The following THAP6 variants were observed in gnomAD, a reference collection of about 807,000 sequenced individuals.
THAP6 encodes THAP domain-containing protein 6.
THAP6 carries 13 observed loss-of-function variants against 20.0 expected under a neutral mutation model. The ratio of observed to expected loss-of-function variants is 0.65; its 90% CI spans 0.42 to 1.03. The LOEUF (loss-of-function observed/expected upper bound fraction) is 1.03, where lower values mean the gene tolerates loss of function less well. THAP6 is among the 50% of genes least tolerant of loss of function. The pLI, the probability that THAP6 is intolerant of heterozygous loss-of-function variation, is 0.00. For synonymous variants in THAP6, 93 were observed against 92.2 expected, an observed-to-expected ratio of 1.01 and a Z score of -0.05; for missense variants, 262 against 261.6, an observed-to-expected ratio of 1.00 and a Z score of -0.01.
chr4:75,514,603 A>C, intron 1 of THAP6, 83 bp downstream of exon 1: 1 of 261,428 alleles, frequency 3.8e-6, no homozygotes, highest in Non-Finnish European at 7.4e-6. Context: ...GGTTGGCGGC[A>C]GCGGCGCGGA....
At chr4:75,515,553 A>T (rs1157768084) in intron 2 of THAP6, 21 bp downstream of exon 2, 1 of 1,609,352 alleles carries the variant, frequency 6.2e-7, no homozygotes, top group Admixed American at 1.7e-5. Flanking sequence ...GCTGTAGTTA[A>T]GCCAAATACT....
At chr4:75,537,932 T>C (rs148218012) in intron 2 of THAP6, among the ~76,000 whole-genome samples, 1 of 152,342 alleles carries the variant, frequency 6.6e-6, no homozygotes, top group African/African-American at 2.4e-5. Flanking sequence ...ATTTTAGATT[T>C]TGGACCTCCA....
chr4:75,544,141 T>C (rs1578285412), intron 3 of THAP6, among the ~76,000 whole-genome samples: 1 of 152,190 alleles, frequency 6.6e-6, no homozygotes, highest in African/African-American at 2.4e-5. Flanking sequence ...TAATATACTC[T>C]AATGCATCCA....
In THAP6 at chr4:75,521,736, G is replaced by A. The variant is rs758253328; in HGVS notation, c.289G>A (p.Gly97Arg). The stretch of plus-strand genomic sequence containing the variant: ...GATTATTATTAACTACTCTTAACAG[G>A]GGAAAAGAGAAAAACTTCATTGTAG... ...SIFDSPYHLQGKREKLHCRKN... is the reference protein window; with the variant it reads ...SIFDSPYHLQRKREKLHCRKN... The change falls in exon 4 of 5, where the codon GGG becomes AGG. Residue 97 changes from glycine to arginine, a missense_variant and splice_region_variant. Gly to Arg is a moderately radical substitution (Grantham distance 125). Coordinates refer to ENST00000311638, the MANE Select transcript of THAP6 (RefSeq NM_144721.6). 3.1e-6 allele frequency: 5 copies of A among 1,609,108 alleles called. No individual in the cohort carries two copies. The South Asian group carries it at 4.4e-5, about 14-fold the overall frequency.
intron 2 of THAP6, among the ~76,000 whole-genome samples, chr4:75,537,816 T>C (rs1279168230): frequency 6.6e-6 from 1 of 152,114 alleles, no homozygotes; most frequent in Non-Finnish European, 1.5e-5. Flanking sequence ...GTTGTGGTAA[T>C]GAATAGCCAT....
chr4:75,543,510 T>C (rs951398283), intron 3 of THAP6, among the ~76,000 whole-genome samples: 1 of 152,202 alleles, frequency 6.6e-6, no homozygotes, highest in Non-Finnish European at 1.5e-5. Context: ...TTCCAGTCAT[T>C]CATATGACAG....
intron 3 of THAP6, among the ~76,000 whole-genome samples, chr4:75,520,521 A>G (rs1725956870): frequency 6.6e-6 from 1 of 152,232 alleles, no homozygotes; most frequent in African/African-American, 2.4e-5. Context: ...CTGACCATAT[A>G]GTAGTTGATC....
chr4:75,527,429 G>C lies in THAP6; in HGVS notation c.*215G>C, dbSNP rs1431693648. The C allele has an allele frequency of 1.5e-6, 2 of 1,358,628 alleles. No individual in the cohort carries two copies. Among genetic ancestry groups the C allele is most frequent in the East Asian group, 5.6e-5 (2 of 35,860 alleles). The allele number at this position is 1,358,628 out of a possible 1,614,324, so 84.2% of individuals were successfully genotyped here. A position where few individuals can be genotyped will look rare whatever the true frequency, so the allele number is the denominator to read the frequency against. Reference sequence around the variant, plus strand: ...TGTCTTGTGACAATTATGTTTTATAGACCTACACTAGTGCCAGGTCACTAT... The same window carrying C: ...TGTCTTGTGACAATTATGTTTTATACACCTACACTAGTGCCAGGTCACTAT... On this transcript the variant is annotated 3_prime_UTR_variant, in exon 5 of 5. Coordinates refer to ENST00000311638, the MANE Select transcript of THAP6 (RefSeq NM_144721.6).
At chr4:75,513,988 T>C (rs1196511551), upstream of THAP6, 2 of 637,140 alleles carry the variant, frequency 3.1e-6, no homozygotes, top group Non-Finnish European at 5.0e-6. Context: ...AAGAAGGGTT[T>C]TGCTTTAAAG....
intron 4 of THAP6, among the ~76,000 whole-genome samples, chr4:75,525,367 T>A (rs1726298833): frequency 6.6e-6 from 1 of 152,208 alleles, no homozygotes; most frequent in African/African-American, 2.4e-5. Context: ...TTCCTGTTGC[T>A]GTAACTTTAC....
chr4:75,524,369 A>G (rs1207528319), intron 4 of THAP6, among the ~76,000 whole-genome samples: 2 of 152,178 alleles, frequency 1.3e-5, no homozygotes, highest in African/African-American at 4.8e-5. Flanking sequence ...AAAAAAATTG[A>G]TATTATCCAT....
intron 2 of THAP6, 48 bp from the exon 3 acceptor site, chr4:75,516,724 A>G (rs887244146): frequency 1.3e-6 from 2 of 1,516,594 alleles, no homozygotes; most frequent in Admixed American, 1.8e-5. Context: ...ATTCAATTAT[A>G]TAGCAATAGT....
intron 1 of THAP6, 48 bp from the exon 2 acceptor site, chr4:75,515,385 C>T (rs1476554167): frequency 2.0e-6 from 3 of 1,533,166 alleles, no homozygotes; most frequent in Non-Finnish European, 2.7e-6. Context: ...AAAATATTCC[C>T]CTTCAGCTTT....
At chr4:75,543,278 C>T (rs1345439001) in intron 3 of THAP6, among the ~76,000 whole-genome samples, 1 of 152,202 alleles carries the variant, frequency 6.6e-6, no homozygotes, top group Non-Finnish European at 1.5e-5. Context: ...TTTTCATTCT[C>T]TATGTGATTT....
In THAP6 at chr4:75,527,240, A is replaced by G. The variant is rs760612371; in HGVS notation, c.*26A>G. On this transcript the variant is annotated 3_prime_UTR_variant, in exon 5 of 5. Coordinates refer to ENST00000311638, the MANE Select transcript of THAP6 (RefSeq NM_144721.6). ...AATAATTTCATGTTACGTTCCACCT[A>G]AAATTGTCATTGGTACAAATTTTTA... 1.8e-5 allele frequency: 28 copies of G among 1,585,866 alleles called. No homozygotes were observed. The highest frequency in any genetic ancestry group is 2.1e-5 in the Non-Finnish European group (24 of 1,164,554).
intron 3 of THAP6, 65 bp from the exon 4 acceptor site, chr4:75,521,671 G>T: frequency 6.8e-7 from 1 of 1,462,596 alleles, no homozygotes; most frequent in East Asian, 2.3e-5. Context: ...AGTTAAGAAG[G>T]AATAAAAATT....
chr4:75,533,368 A>G (rs1189924530), downstream of THAP6, among the ~76,000 whole-genome samples: 1 of 152,198 alleles, frequency 6.6e-6, no homozygotes, highest in Non-Finnish European at 1.5e-5. Flanking sequence ...TATTGTTACC[A>G]GCATTTTAGT....
At chr4:75,542,332 G>A in intron 2 of THAP6, 1 of 663,680 alleles carries the variant, frequency 1.5e-6, no homozygotes, top group Non-Finnish European at 2.7e-6. Flanking sequence ...ACTGATATCT[G>A]GGAAGTATTG....
In THAP6 at chr4:75,528,713, C is replaced by T. The variant is rs1221137909; in HGVS notation, c.*1499C>T. On this transcript the variant is annotated 3_prime_UTR_variant, in exon 5 of 5. Transcript: ENST00000311638. ...TATGCTAAGAGGAAATCACTGAGGCCATATCTTTTTACAATCTGAAAAAAA... is the reference window on the plus strand; with the variant it reads ...TATGCTAAGAGGAAATCACTGAGGCTATATCTTTTTACAATCTGAAAAAAA... 1 of 961,548 alleles carries T rather than the reference C, an allele frequency of 1.0e-6. No homozygotes were observed. Among genetic ancestry groups the T allele is most frequent in the Non-Finnish European group, 1.2e-6 (1 of 810,216 alleles). 59.6% of individuals were successfully genotyped at this position (961,548 alleles called of 1,614,324 possible).
Sources: gnomAD v4.1 joint callset for allele counts (sites outside exome capture counted in the v4.1 genomes callset) on GRCh38, gnomAD v4.1.1 for gene constraint, MANE v1.5 for transcripts, NCBI Gene and HGNC (gene_info 2026-07-23, HGNC 2026-07-21) for gene names.